Variants in MAP3K1 observed in about 807,000 individuals in gnomAD.
The protein encoded by MAP3K1 is MAP/ERK kinase kinase 1.
In MAP3K1, 36 loss-of-function variants were observed where a neutral mutation model predicts 144.2. The ratio of observed to expected loss-of-function variants is 0.25; its 90% confidence interval spans 0.19 to 0.33. The LOEUF is 0.33. Among genes scored for constraint, MAP3K1 ranks in the 10% least tolerant of loss-of-function variants. The pLI is 1.00. For missense variants in MAP3K1, 1,650 were observed against 1,881.9 expected, an observed-to-expected ratio of 0.88 and a Z score of 2.28; for synonymous variants, 718 against 688.7, an observed-to-expected ratio of 1.04 and a Z score of -0.67.
At chr5:56,819,741 C>T (rs910760738) in intron 1 of MAP3K1, among the ~76,000 whole-genome samples, 1 of 152,172 alleles carries the variant, frequency 6.6e-6, no homozygotes, top group African/African-American at 2.4e-5. Flanking sequence ...GTATATTACA[C>T]CTCTAATCTT....
intron 1 of MAP3K1, among the ~76,000 whole-genome samples, chr5:56,824,055 A>G (rs997711437): frequency 2.0e-5 from 3 of 152,234 alleles, no homozygotes; most frequent in South Asian, 2.1e-4. Context: ...ACTTCATCCA[A>G]AATTCATTAA....
At chr5:56,816,885 A>T (rs1287315313) in intron 1 of MAP3K1, among the ~76,000 whole-genome samples, 3 of 152,198 alleles carry the variant, frequency 2.0e-5, no homozygotes, top group South Asian at 2.1e-4. Context: ...TGAAGTTTGC[A>T]TTTGGCGGAG....
At chr5:56,826,395 GAC>G (rs776326930) in intron 1 of MAP3K1, among the ~76,000 whole-genome samples, 57 of 152,222 alleles carry the variant, frequency 3.7e-4, no homozygotes, top group South Asian at 1.5e-3. Context: ...CTTTCTGAAC[GAC>G]AGTGTTCACA....
At chr5:56,880,891 T>A (rs1748184860) in intron 12 of MAP3K1, 89 bp downstream of exon 12, 2 of 1,157,520 alleles carry the variant, frequency 1.7e-6, no homozygotes, top group African/African-American at 3.1e-5. Flanking sequence ...CATGAGGCAG[T>A]TTACAGGATT....
Position 56,894,259 on chromosome 5 carries a change from T to A in MAP3K1, c.*579T>A. On this transcript the variant is annotated 3_prime_UTR_variant, in exon 20 of 20. Transcript: ENST00000399503. ...CAGGGCAGTTGTGGCTCATTGTGCA[T>A]TTTACTGTTGGCCCATTCATTTCGT... 4.3e-6 allele frequency: 1 copy of A among 234,032 alleles called. No homozygotes were observed. The highest frequency in any genetic ancestry group is 8.4e-6 in the Non-Finnish European group (1 of 118,606). The allele number at this position is 234,032 out of a possible 1,614,324, so 14.5% of individuals were successfully genotyped here.
chr5:56,844,183 GTTTTTTTTTTTT>G (rs770169813), intron 1 of MAP3K1, among the ~76,000 whole-genome samples: 5 of 76,094 alleles, frequency 6.6e-5, no homozygotes, highest in African/African-American at 1.1e-4. Flanking sequence ...GTTTTTTTTG[GTTTTTTTTTTTT>G]TTTTTTTTTT....
rs201679580 is a variant in MAP3K1, at chr5:56,881,798, C to T, written c.2598C>T (p.Ala866=). 970 of 1,614,052 alleles carry T rather than the reference C, an allele frequency of 6.0e-4. No homozygotes were observed. Among genetic ancestry groups the T allele is most frequent in the Non-Finnish European group, 7.9e-4 (932 of 1,179,998 alleles). The change falls in exon 14 of 20, where the codon GCC becomes GCT. Residue 866 remains alanine (A), a synonymous_variant. Coordinates refer to ENST00000399503, the MANE Select transcript of MAP3K1 (RefSeq NM_005921.2). ...LMAIADEVEI[A]EAIQLGVEDT... ...CTATTGCAGATGAGGTGGAAATTGC[C>T]GAAGCCATCCAGTTGGGCGTAGAAG...
At chr5:56,836,996 A>AT (rs1489175104) in intron 1 of MAP3K1, among the ~76,000 whole-genome samples, 4 of 152,130 alleles carry the variant, frequency 2.6e-5, no homozygotes, top group Non-Finnish European at 5.9e-5. Flanking sequence ...CAGATGCTCC[A>AT]TTTTTTATGC....
At chr5:56,831,483 C>G (rs1294293008) in intron 1 of MAP3K1, among the ~76,000 whole-genome samples, 1 of 152,142 alleles carries the variant, frequency 6.6e-6, no homozygotes, top group African/African-American at 2.4e-5. Context: ...CCCATGATTT[C>G]TAATGTTTAT....
intron 16 of MAP3K1, 32 bp downstream of exon 16, chr5:56,884,858 G>A (rs770817300): frequency 1.9e-6 from 3 of 1,593,906 alleles, no homozygotes; most frequent in Non-Finnish European, 1.7e-6. Context: ...CAAAATAGTA[G>A]TACGTGGATT....
intron 15 of MAP3K1, among the ~76,000 whole-genome samples, chr5:56,884,307 A>G (rs1748311983): frequency 6.6e-6 from 1 of 152,120 alleles, no homozygotes; most frequent in Non-Finnish European, 1.5e-5. Flanking sequence ...TTGGGGTTTC[A>G]GTGGTTTACT....
intron 19 of MAP3K1, among the ~76,000 whole-genome samples, chr5:56,892,146 C>T (rs924159362): frequency 3.3e-5 from 5 of 152,102 alleles, no homozygotes; most frequent in African/African-American, 4.8e-5. Flanking sequence ...TTCACGATAT[C>T]GATTCTTCCT....
chr5:56,857,479 T>G (rs1747376038), intron 2 of MAP3K1, among the ~76,000 whole-genome samples: 1 of 152,180 alleles, frequency 6.6e-6, no homozygotes, highest in Non-Finnish European at 1.5e-5. Flanking sequence ...CTCAGCAAGT[T>G]TTTATTTTGT....
intron 1 of MAP3K1, among the ~76,000 whole-genome samples, chr5:56,822,736 A>G (rs968787060): frequency 2.6e-5 from 4 of 152,024 alleles, no homozygotes; most frequent in Admixed American, 2.0e-4. Context: ...GATCTCTCCT[A>G]AAGTCCAGAC....
chr5:56,824,274 C>A (rs1045346470), intron 1 of MAP3K1, among the ~76,000 whole-genome samples: 2 of 152,184 alleles, frequency 1.3e-5, no homozygotes, highest in African/African-American at 4.8e-5. Flanking sequence ...TCTAAGCAGC[C>A]AAAGGACCTG....
chr5:56,884,610 T>A (rs1480144465), intron 15 of MAP3K1, 54 bp from the exon 16 acceptor site: 1 of 1,557,796 alleles, frequency 6.4e-7, no homozygotes, highest in East Asian at 2.3e-5. Context: ...TCATTTTAGA[T>A]CAGATTGCTA....
intron 1 of MAP3K1, among the ~76,000 whole-genome samples, chr5:56,823,118 T>G (rs1746203638): frequency 6.6e-6 from 1 of 152,202 alleles, no homozygotes; most frequent in Non-Finnish European, 1.5e-5. Context: ...TAAATGTAAT[T>G]TAATTTTAAG....
intron 6 of MAP3K1, among the ~76,000 whole-genome samples, chr5:56,869,640 TG>T (rs1398331842): frequency 6.6e-6 from 1 of 152,134 alleles, no homozygotes; most frequent in African/African-American, 2.4e-5. Context: ...TACCCCGGAA[TG>T]GTATTCTTTT....
intron 1 of MAP3K1, among the ~76,000 whole-genome samples, chr5:56,822,727 ATC>A (rs1412609620): frequency 1.3e-5 from 2 of 151,104 alleles, no homozygotes; most frequent in South Asian, 2.1e-4. Flanking sequence ...CCTAACCATG[ATC>A]TCTCCTAAAG....
Sources: gnomAD v4.1 joint callset for allele counts (sites outside exome capture counted in the v4.1 genomes callset) on GRCh38, gnomAD v4.1.1 for gene constraint, MANE v1.5 for transcripts, NCBI Gene and HGNC (gene_info 2026-07-23, HGNC 2026-07-21) for gene names.